RGL1: variants seen among roughly 807,000 people sequenced by gnomAD.
RGL1 encodes the protein ral guanine nucleotide dissociation stimulator like 1, also known as ral guanine nucleotide dissociation stimulator-like 1.
Under a neutral mutation model 95.2 loss-of-function variants are expected in RGL1, and 24 were observed. The ratio of observed to expected loss-of-function variants is 0.25; its 90% confidence interval spans 0.18 to 0.35. The LOEUF (loss-of-function observed/expected upper bound fraction) is 0.35, where lower values mean the gene tolerates loss of function less well. Ranked by LOEUF, RGL1 falls within the 10% of genes least tolerant of loss-of-function variation. RGL1 has a pLI of 1.00. For synonymous variants in RGL1, 329 were observed against 344.9 expected, an observed-to-expected ratio of 0.95 and a Z score of 0.51; for missense variants, 715 against 936.3, an observed-to-expected ratio of 0.76 and a Z score of 3.08.
intron 3 of RGL1, among the ~76,000 whole-genome samples, chr1:183,859,557 G>C (rs1665378401): frequency 6.6e-6 from 1 of 152,188 alleles, no homozygotes; most frequent in Non-Finnish European, 1.5e-5. Flanking sequence ...CAGGGACTTA[G>C]TATGGAGATA....
chr1:183,858,112 A>T (rs530847145), intron 3 of RGL1, among the ~76,000 whole-genome samples: 1 of 151,670 alleles, frequency 6.6e-6, no homozygotes, highest in South Asian at 2.1e-4. Context: ...TTTTTTTTTT[A>T]AAGTGTGCTT....
chr1:183,748,324 T>G (rs1657772908), intron 2 of RGL1, among the ~76,000 whole-genome samples: 1 of 151,742 alleles, frequency 6.6e-6, no homozygotes. Context: ...TGAGTTCTGC[T>G]CTGATCTTAG....
At chr1:183,915,704 A>G (rs572880731) in intron 15 of RGL1, among the ~76,000 whole-genome samples, 10 of 152,374 alleles carry the variant, frequency 6.6e-5, no homozygotes, top group Admixed American at 2.6e-4. Context: ...ATGAAAGTTC[A>G]TGATAAGCCT....
chr1:183,740,031 C>T (rs1364188538), intron 1 of RGL1, among the ~76,000 whole-genome samples: 1 of 152,166 alleles, frequency 6.6e-6, no homozygotes, highest in Non-Finnish European at 1.5e-5. Context: ...CAGCCAAAAC[C>T]ATTTTATGTA....
At chr1:183,783,659 C>T (rs1036295650) in intron 2 of RGL1, among the ~76,000 whole-genome samples, 1 of 152,056 alleles carries the variant, frequency 6.6e-6, no homozygotes, top group Non-Finnish European at 1.5e-5. Flanking sequence ...AGTAATCAGA[C>T]ATGGATCTTA....
intron 2 of RGL1, among the ~76,000 whole-genome samples, chr1:183,777,217 G>A (rs1659650100): frequency 6.6e-6 from 1 of 152,174 alleles, no homozygotes; most frequent in Admixed American, 6.5e-5. Flanking sequence ...CATAAGCTTT[G>A]TAATACAAAG....
chr1:183,774,445 G>C (rs1047488118), intron 2 of RGL1, among the ~76,000 whole-genome samples: 11 of 152,170 alleles, frequency 7.2e-5, no homozygotes, highest in African/African-American at 2.7e-4. Flanking sequence ...GGGACTGGGA[G>C]AAACTTGTCA....
At chr1:183,713,380 C>A (rs1321531136) in intron 1 of RGL1, among the ~76,000 whole-genome samples, 1 of 131,604 alleles carries the variant, frequency 7.6e-6, no homozygotes, top group Non-Finnish European at 1.6e-5. Context: ...AGAGGCACCC[C>A]CCCCCCCCGC....
intron 2 of RGL1, chr1:183,742,312 A>G (rs1213009153): frequency 1.9e-6 from 3 of 1,613,524 alleles, no homozygotes; most frequent in African/African-American, 2.7e-5. Context: ...TAAATGACAC[A>G]GTTGGTGAAA....
chr1:183,826,588 A>T (rs1270886508), intron 2 of RGL1, among the ~76,000 whole-genome samples: 1 of 152,238 alleles, frequency 6.6e-6, no homozygotes, highest in Admixed American at 6.5e-5. Flanking sequence ...AATACCAGGC[A>T]TAAAAATAAG....
At chr1:183,703,102 G>C (rs1425755946) in intron 1 of RGL1, among the ~76,000 whole-genome samples, 1 of 152,152 alleles carries the variant, frequency 6.6e-6, no homozygotes, top group Non-Finnish European at 1.5e-5. Flanking sequence ...CTTGGGACTA[G>C]GCCTCAGAAG....
chr1:183,820,594 G>T (rs1021907542), intron 2 of RGL1, among the ~76,000 whole-genome samples: 4 of 152,114 alleles, frequency 2.6e-5, no homozygotes, highest in African/African-American at 9.7e-5. Flanking sequence ...TGCTCTGGAG[G>T]ATGTGGGTCC....
At chr1:183,652,092 G>T (rs1216949955) in intron 1 of RGL1, among the ~76,000 whole-genome samples, 3 of 152,166 alleles carry the variant, frequency 2.0e-5, no homozygotes, top group Admixed American at 6.5e-5. Flanking sequence ...AGAACCAAAA[G>T]GCACTTTTCT....
At chr1:183,725,184 G>C (rs1477192620) in intron 1 of RGL1, among the ~76,000 whole-genome samples, 1 of 152,166 alleles carries the variant, frequency 6.6e-6, no homozygotes, top group Non-Finnish European at 1.5e-5. Flanking sequence ...TGCAGATACA[G>C]CTGCAGTGAC....
At chr1:183,774,071 G>A (rs546888540) in intron 2 of RGL1, among the ~76,000 whole-genome samples, 1 of 152,242 alleles carries the variant, frequency 6.6e-6, no homozygotes, top group African/African-American at 2.4e-5. Context: ...CATATGCACA[G>A]AACTTACCGG....
chr1:183,685,795 G>A (rs1653545508), intron 1 of RGL1, among the ~76,000 whole-genome samples: 1 of 152,118 alleles, frequency 6.6e-6, no homozygotes, highest in Non-Finnish European at 1.5e-5. Flanking sequence ...CTTGTCTGCT[G>A]CTTTTGAAAA....
At chr1:183,736,680 A>G (rs1264204524) in intron 1 of RGL1, among the ~76,000 whole-genome samples, 1 of 152,220 alleles carries the variant, frequency 6.6e-6, no homozygotes, top group Non-Finnish European at 1.5e-5. Flanking sequence ...TGTAGGAGGA[A>G]AGAAATGGCA....
chr1:183,648,926 A>ATATG, intron 1 of RGL1: 1 of 637,932 alleles, frequency 1.6e-6, no homozygotes, highest in Non-Finnish European at 2.6e-6. Flanking sequence ...AGATAGTGAT[A>ATATG]TATGCATAGA....
intron 1 of RGL1, among the ~76,000 whole-genome samples, chr1:183,690,411 G>A (rs910696625): frequency 6.6e-6 from 1 of 152,120 alleles, no homozygotes; most frequent in Non-Finnish European, 1.5e-5. Flanking sequence ...ATCTTTTCAT[G>A]AAGTCTTAAA....
Sources: allele counts gnomAD v4.1 joint callset (sites outside exome capture counted in the v4.1 genomes callset), GRCh38; gene constraint gnomAD v4.1.1; transcripts MANE v1.5; gene names NCBI Gene and HGNC (gene_info 2026-07-23, HGNC 2026-07-21).